Variants in SRGAP2B observed in about 807,000 individuals in gnomAD.
The protein encoded by SRGAP2B is SLIT-ROBO Rho GTPase activating protein 2B.
Under a neutral mutation model 22.2 loss-of-function variants are expected in SRGAP2B, and 9 were observed. The ratio of observed to expected loss-of-function variants is 0.41; its 90% CI spans 0.24 to 0.71. The LOEUF is 0.71. Among genes scored for constraint, SRGAP2B ranks in the 30% least tolerant of loss-of-function variants. The pLI is 0.35. For missense variants in SRGAP2B, 114 were observed against 235.8 expected (o/e 0.48, Z 3.38); for synonymous variants, 36 against 87.4 (o/e 0.41, Z 3.28).
At chr1:145,036,149 T>A (rs1257920025) in intron 2 of SRGAP2B, among the ~76,000 whole-genome samples, 1 of 136,204 alleles carries the variant, frequency 7.3e-6, no homozygotes, top group Admixed American at 7.3e-5. Context: ...TCTCTTGGTA[T>A]TTCCTGCAGA....
chr1:144,971,961 G>A (rs587721685), intron 3 of SRGAP2B, among the ~76,000 whole-genome samples: 1 of 149,858 alleles, frequency 6.7e-6, no homozygotes, highest in Admixed American at 6.6e-5. Flanking sequence ...TCAAAGGGCT[G>A]GTGCTGAAAG....
chr1:145,022,778 T>A (rs1388437054), intron 2 of SRGAP2B, among the ~76,000 whole-genome samples: 7 of 149,616 alleles, frequency 4.7e-5, no homozygotes, highest in Non-Finnish European at 1.0e-4. Flanking sequence ...AGAAAGATGA[T>A]GGCATTTTCA....
intron 2 of SRGAP2B, among the ~76,000 whole-genome samples, chr1:145,022,331 C>T (rs782272413): frequency 2.0e-5 from 2 of 100,892 alleles, no homozygotes; most frequent in Non-Finnish European, 3.9e-5. Context: ...ACCCCACCCC[C>T]CAACCCCACA....
rs1553348264 is a variant in SRGAP2B, at chr1:144,920,099, G to A, written c.424-5345C>T. Among the ~76,000 whole-genome samples, 11 of 150,168 alleles carry A rather than the reference G, an allele frequency of 7.3e-5. No homozygotes were observed. The South Asian group carries it at 1.5e-3, about 20-fold the overall frequency. On this transcript the variant is annotated intron_variant, in intron 4 of 9. Coordinates refer to ENST00000612199, the Ensembl canonical transcript of SRGAP2B. ...ACAATCCTTTAGCTAGACACAGAGCGCTGATTGGTGCGTTTTTACAGAGTG... is the reference window on the plus strand; with the variant it reads ...ACAATCCTTTAGCTAGACACAGAGCACTGATTGGTGCGTTTTTACAGAGTG...
At chr1:145,084,855 CCT>C (rs1454857441) in intron 2 of SRGAP2B, among the ~76,000 whole-genome samples, 2 of 120,100 alleles carry the variant, frequency 1.7e-5, no homozygotes, top group African/African-American at 6.2e-5. Context: ...GCCCCTAGCC[CCT>C]CTCCTTGACA....
At chr1:144,927,370 G>C (rs1247403238) in intron 4 of SRGAP2B, among the ~76,000 whole-genome samples, 1 of 150,704 alleles carries the variant, frequency 6.6e-6, no homozygotes, top group African/African-American at 2.5e-5. Flanking sequence ...TTTAGTGCAA[G>C]TCTGCTGGTG....
chr1:144,920,773 G>T (rs1355145225), intron 4 of SRGAP2B, among the ~76,000 whole-genome samples: 3 of 150,544 alleles, frequency 2.0e-5, no homozygotes, highest in African/African-American at 5.0e-5. Flanking sequence ...TTATACACAG[G>T]TTTAAGAAGA....
chr1:144,984,525 C>G (rs1445470264), intron 3 of SRGAP2B, among the ~76,000 whole-genome samples: 1 of 150,516 alleles, frequency 6.6e-6, no homozygotes, highest in African/African-American at 2.5e-5. Context: ...CCTGTAGATT[C>G]TTCCTGCACC....
At chr1:144,970,645 T>TAAAA (rs782116324) in intron 3 of SRGAP2B, among the ~76,000 whole-genome samples, 1 of 128,460 alleles carries the variant, frequency 7.8e-6, no homozygotes, top group East Asian at 2.2e-4. Flanking sequence ...CTTAAAGTAT[T>TAAAA]AAAAAAAAAA....
intron 3 of SRGAP2B, among the ~76,000 whole-genome samples, chr1:144,986,427 G>A (rs1359293270): frequency 6.7e-6 from 1 of 148,754 alleles, no homozygotes; most frequent in Non-Finnish European, 1.5e-5. Flanking sequence ...ACCAGTCCTA[G>A]AGTCAGCAAA....
In SRGAP2B at chr1:144,971,570, CA is replaced by C. The variant is rs1312648372; in HGVS notation, c.261-15970del. Among the ~76,000 whole-genome samples the C allele has an allele frequency of 6.0e-5, 9 of 151,080 alleles. 1 individual carries two copies. Among genetic ancestry groups the C allele is most frequent in the African/African-American group, 2.2e-4 (9 of 40,514 alleles). On this transcript the variant is annotated intron_variant, in intron 3 of 9. Transcript: ENST00000612199. Reference sequence around the variant, plus strand: ...TCAGCCTCCCAAAGTGCCAGGCTCACAATTATGAGCCACCTCACCTGGCCAG... The same window carrying C: ...TCAGCCTCCCAAAGTGCCAGGCTCACATTATGAGCCACCTCACCTGGCCAG...
chr1:145,068,214 A>C (rs1483522036), intron 2 of SRGAP2B, among the ~76,000 whole-genome samples: 2 of 145,858 alleles, frequency 1.4e-5, no homozygotes, highest in Non-Finnish European at 3.0e-5. Context: ...AAAAAAAAAA[A>C]AAAAAAAAAA....
At chr1:144,969,487 A>G in intron 3 of SRGAP2B, among the ~76,000 whole-genome samples, 1 of 109,924 alleles carries the variant, frequency 9.1e-6, no homozygotes, top group African/African-American at 3.9e-5. Context: ...TTATACAAAA[A>G]TCAATTCAAG....
At chr1:144,921,107 C>T (rs1553604278) in intron 4 of SRGAP2B, among the ~76,000 whole-genome samples, 1 of 146,490 alleles carries the variant, frequency 6.8e-6, no homozygotes, top group African/African-American at 2.6e-5. Flanking sequence ...AACGTCTGGG[C>T]CCATCAGAAT....
intron 4 of SRGAP2B, among the ~76,000 whole-genome samples, chr1:144,924,586 G>A (rs1319976766): frequency 2.6e-5 from 4 of 151,428 alleles, no homozygotes; most frequent in Non-Finnish European, 4.4e-5. Flanking sequence ...AAAAAAGTTA[G>A]CCGGGCGTAG....
At chr1:145,056,972 C>T (rs1650459255) in intron 2 of SRGAP2B, among the ~76,000 whole-genome samples, 6 of 148,462 alleles carry the variant, frequency 4.0e-5, no homozygotes, top group African/African-American at 1.5e-4. Context: ...CACACACACA[C>T]ACACACACAC....
chr1:144,923,187 A>C (rs1228187204), intron 4 of SRGAP2B, among the ~76,000 whole-genome samples: 1 of 150,774 alleles, frequency 6.6e-6, no homozygotes, highest in Non-Finnish European at 1.5e-5. Context: ...ATCTCTTTGA[A>C]TGACCTATCC....
At chr1:145,090,492 A>T (rs1193486260) in intron 2 of SRGAP2B, among the ~76,000 whole-genome samples, 5 of 149,890 alleles carry the variant, frequency 3.3e-5, no homozygotes, top group African/African-American at 5.0e-5. Flanking sequence ...CCCTGGGTTG[A>T]GGTAAGGATT....
intron 2 of SRGAP2B, among the ~76,000 whole-genome samples, chr1:145,025,881 TCAG>T (rs1160234020): frequency 2.6e-5 from 4 of 151,760 alleles, no homozygotes; most frequent in African/African-American, 9.7e-5. Context: ...TTTTTTAAAA[TCAG>T]CAGAGCACTA....
Sources: allele counts gnomAD v4.1 joint callset (sites outside exome capture counted in the v4.1 genomes callset), GRCh38; gene constraint gnomAD v4.1.1; transcripts MANE v1.5; gene names NCBI Gene and HGNC (gene_info 2026-07-23, HGNC 2026-07-21).